Variants in RYR2 observed in about 807,000 individuals in gnomAD.
The protein encoded by RYR2 is ryanodine receptor 2, also known as cardiac muscle ryanodine receptor-calcium release channel.
RYR2 carries 227 observed loss-of-function variants against 601.1 expected under a neutral mutation model. That is an observed-to-expected ratio of 0.38 (90% confidence interval 0.34 to 0.42). The LOEUF is 0.42. Among genes scored for constraint, RYR2 ranks in the 10% least tolerant of loss-of-function variants. The pLI, the probability that RYR2 is intolerant of heterozygous loss-of-function variation, is 1.00. For synonymous variants in RYR2, 2,223 were observed against 2,175.1 expected (o/e 1.02, Z -0.61); for missense variants, 4,646 against 6,156.5 (o/e 0.75, Z 8.21).
intron 1 of RYR2, among the ~76,000 whole-genome samples, chr1:237,250,717 C>T (rs1008079125): frequency 6.6e-6 from 1 of 152,208 alleles, no homozygotes; most frequent in Admixed American, 6.5e-5. Context: ...CCACCACCTC[C>T]ACCTGTGCTT....
intron 1 of RYR2, among the ~76,000 whole-genome samples, chr1:237,192,622 T>A (rs1016680421): frequency 8.5e-5 from 13 of 152,232 alleles, no homozygotes; most frequent in Non-Finnish European, 1.0e-4. Context: ...TTAATTAGCC[T>A]TAAGGCATTG....
At chr1:237,447,572 A>G (rs1483587172) in intron 14 of RYR2, among the ~76,000 whole-genome samples, 3 of 152,142 alleles carry the variant, frequency 2.0e-5, no homozygotes, top group Non-Finnish European at 4.4e-5. Context: ...ATTAACTATG[A>G]AAAGATTTTC....
chr1:237,787,590 T>C (rs1034115363), intron 91 of RYR2, among the ~76,000 whole-genome samples: 1 of 87,266 alleles, frequency 1.1e-5, no homozygotes, highest in African/African-American at 5.4e-5. Context: ...AGACTCTGTC[T>C]CAAAAACAAA....
chr1:237,386,252 AT>A (rs1186908598), intron 8 of RYR2, among the ~76,000 whole-genome samples: 1 of 152,172 alleles, frequency 6.6e-6, no homozygotes, highest in Non-Finnish European at 1.5e-5. Flanking sequence ...CTTTGGTTTT[AT>A]TTTTAAGAGA....
chr1:237,352,930 G>C (rs1320532887), intron 3 of RYR2: 2 of 481,856 alleles, frequency 4.2e-6, no homozygotes, highest in Non-Finnish European at 8.3e-6. Context: ...ATCAATACCA[G>C]GTATGTCGCA....
At position 237,596,139 on chromosome 1, in the gene RYR2, C is replaced by T. The variant is rs6660154; in HGVS notation, c.4596+482C>T. ...ATATCAAAGGAACACAAGAAACACG[C>T]GAATGGAAGGAAACATGACTCCTCC... On this transcript the variant is annotated intron_variant, in intron 34 of 104. Transcript: ENST00000366574. Among the ~76,000 whole-genome samples the T allele has an allele frequency of 8.5e-3, 1,295 of 152,132 alleles. 19 individuals are homozygous for T. Among genetic ancestry groups the T allele is most frequent in the African/African-American group, 0.03 (1,232 of 41,496 alleles).
intron 80 of RYR2, among the ~76,000 whole-genome samples, chr1:237,754,175 C>T (rs1159221828): frequency 1.4e-5 from 2 of 148,096 alleles, no homozygotes; most frequent in Non-Finnish European, 3.0e-5. Context: ...TTTCAAATGA[C>T]TTTCATCATC....
At chr1:237,640,389 G>A (rs1160080027) in intron 46 of RYR2, among the ~76,000 whole-genome samples, 1 of 152,150 alleles carries the variant, frequency 6.6e-6, no homozygotes, top group African/African-American at 2.4e-5. Context: ...TCTTTGGCAG[G>A]GGTTGCAGGA....
rs1406838909 is a variant in RYR2 at position 237,833,433 on chromosome 1, T to A, written c.*786T>A. 1 of 134,280 alleles carries A rather than the reference T, an allele frequency of 7.4e-6. No individual in the cohort carries two copies. The highest frequency in any genetic ancestry group is 1.5e-5 in the Non-Finnish European group (1 of 65,132). The allele number at this position is 134,280 out of a possible 1,614,324, so 8.3% of individuals were successfully genotyped here. ...GATGCAACATTGCAACTTTATGAAA[T>A]CTTTGTATGAAAACAAAAAGACTGC... On this transcript the variant is annotated 3_prime_UTR_variant, in exon 105 of 105. Transcript: ENST00000366574.
chr1:237,072,047 G>T (rs902920078), intron 1 of RYR2, among the ~76,000 whole-genome samples: 5 of 152,226 alleles, frequency 3.3e-5, no homozygotes, highest in South Asian at 2.1e-4. Flanking sequence ...GGGGGAAGAG[G>T]GTGTCCTGGG....
Position 237,734,593 on chromosome 1 carries a change from A to G in RYR2, c.11091+837A>G, listed in dbSNP as rs566461231. ...TTGAACCATGAGTTGGCCATGCAAA[A>G]ATAGTACAGCTTAGTATTTACTGAG... On this transcript the variant is annotated intron_variant, in intron 79 of 104. Transcript: ENST00000366574. Among the ~76,000 whole-genome samples the G allele has an allele frequency of 2.0e-5, 3 of 152,312 alleles. No homozygotes were observed. In the East Asian group the frequency reaches 5.8e-4, roughly 29 times the overall value.
chr1:237,165,310 A>C (rs1050045936), intron 1 of RYR2, among the ~76,000 whole-genome samples: 2 of 152,180 alleles, frequency 1.3e-5, no homozygotes, highest in Non-Finnish European at 2.9e-5. Flanking sequence ...TTCAGGGGAA[A>C]AGTCTTAAGT....
chr1:237,690,457 T>C (rs993378512), intron 63 of RYR2, among the ~76,000 whole-genome samples: 9 of 152,234 alleles, frequency 5.9e-5, no homozygotes, highest in African/African-American at 1.7e-4. Flanking sequence ...TTTTCACATA[T>C]AAGATGTTTC....
chr1:237,631,577 C>T (rs1024287819), intron 42 of RYR2, 36 bp downstream of exon 42: 22 of 809,372 alleles, frequency 2.7e-5, no homozygotes, highest in Non-Finnish European at 4.3e-5. Flanking sequence ...TATTTAGTAT[C>T]ATCTCCTGGA....
At chr1:237,699,107 T>C in intron 64 of RYR2, 82 bp downstream of exon 64, 2 of 665,126 alleles carry the variant, frequency 3.0e-6, no homozygotes, top group Non-Finnish European at 2.5e-6. Context: ...AAGGACCCAG[T>C]GTCTGGATTT....
At chr1:237,345,374 T>C (rs1324313269) in intron 3 of RYR2, among the ~76,000 whole-genome samples, 1 of 151,722 alleles carries the variant, frequency 6.6e-6, no homozygotes, top group Non-Finnish European at 1.5e-5. Context: ...TTATTATTCA[T>C]AATAGATCTA....
At chr1:237,808,815 A>G in intron 99 of RYR2, 86 bp from the exon 100 acceptor site, 1 of 1,311,828 alleles carries the variant, frequency 7.6e-7, no homozygotes, top group Non-Finnish European at 1.1e-6. Context: ...TGTTCTCACT[A>G]GAGCACTCGC....
At chr1:237,342,985 G>C (rs1177480079) in intron 3 of RYR2, among the ~76,000 whole-genome samples, 1 of 152,102 alleles carries the variant, frequency 6.6e-6, no homozygotes, top group Non-Finnish European at 1.5e-5. Flanking sequence ...GAGGTGGGAG[G>C]ATCACTTGAG....
chr1:237,816,507 G>A (rs1209134998), intron 100 of RYR2, among the ~76,000 whole-genome samples: 1 of 152,010 alleles, frequency 6.6e-6, no homozygotes, highest in African/African-American at 2.4e-5. Flanking sequence ...TGGCCAACAT[G>A]GTGAAACTCC....
Sources: allele counts gnomAD v4.1 joint callset (sites outside exome capture counted in the v4.1 genomes callset), GRCh38; gene constraint gnomAD v4.1.1; transcripts MANE v1.5; gene names NCBI Gene and HGNC (gene_info 2026-07-23, HGNC 2026-07-21).